The following CDH4 variants were observed in gnomAD, a reference collection of about 807,000 sequenced individuals.
CDH4 encodes the protein cadherin-4.
CDH4 carries 33 observed loss-of-function variants against 86.0 expected under a neutral mutation model. The observed-to-expected ratio is 0.38, with a 90% confidence interval of 0.29 to 0.51. The LOEUF (loss-of-function observed/expected upper bound fraction) is 0.51, where lower values mean the gene tolerates loss of function less well. Among genes scored for constraint, CDH4 ranks in the 20% least tolerant of loss-of-function variants. The pLI is 0.86. For synonymous variants in CDH4, 555 were observed against 549.4 expected, an observed-to-expected ratio of 1.01 and a Z score of -0.14; for missense variants, 1,114 against 1,307.4, an observed-to-expected ratio of 0.85 and a Z score of 2.28.
chr20:61,596,051 C>T (rs1249560194), intron 2 of CDH4, among the ~76,000 whole-genome samples: 1 of 152,246 alleles, frequency 6.6e-6, no homozygotes, highest in Non-Finnish European at 1.5e-5. Flanking sequence ...CACAGCTTCT[C>T]CATGACAGAG....
At chr20:61,276,567 A>G (rs565557489) in intron 2 of CDH4, among the ~76,000 whole-genome samples, 1 of 152,338 alleles carries the variant, frequency 6.6e-6, no homozygotes, top group African/African-American at 2.4e-5. Context: ...CAGGAGAATG[A>G]CAGGGCCGTG....
chr20:61,497,118 T>G (rs1369041807), intron 2 of CDH4, among the ~76,000 whole-genome samples: 1 of 152,212 alleles, frequency 6.6e-6, no homozygotes, highest in Non-Finnish European at 1.5e-5. Flanking sequence ...GTACTCACAG[T>G]GTGTGTCTTG....
intron 3 of CDH4, among the ~76,000 whole-genome samples, chr20:61,760,537 C>T (rs577986526): frequency 1.3e-5 from 2 of 152,248 alleles, no homozygotes; most frequent in Non-Finnish European, 2.9e-5. Flanking sequence ...CTGGGCAGGT[C>T]GTGCAACCTC....
chr20:61,483,805 G>A (rs1364453196), intron 2 of CDH4, among the ~76,000 whole-genome samples: 2 of 152,014 alleles, frequency 1.3e-5, no homozygotes, highest in Non-Finnish European at 2.9e-5. Context: ...GAAGAACCAT[G>A]CAGCTGAGCT....
At chr20:61,337,067 G>T (rs1394616672) in intron 2 of CDH4, among the ~76,000 whole-genome samples, 1 of 152,042 alleles carries the variant, frequency 6.6e-6, no homozygotes, top group Non-Finnish European at 1.5e-5. Flanking sequence ...TTGGAATCCT[G>T]ACTCAACTGT....
chr20:61,928,138 G>C (rs561426421), intron 11 of CDH4, 52 bp from the exon 12 acceptor site: 1 of 1,361,734 alleles, frequency 7.3e-7, no homozygotes, highest in African/African-American at 1.4e-5. Flanking sequence ...GCTGTGGGTT[G>C]GTCATGGAGT....
chr20:61,827,992 A>G (rs1981403030), intron 4 of CDH4, among the ~76,000 whole-genome samples: 1 of 152,238 alleles, frequency 6.6e-6, no homozygotes, highest in Non-Finnish European at 1.5e-5. Context: ...TTTTGAAAAC[A>G]GGAAAATAAA....
At chr20:61,520,486 G>A (rs1178452162) in intron 2 of CDH4, among the ~76,000 whole-genome samples, 1 of 152,204 alleles carries the variant, frequency 6.6e-6, no homozygotes, top group African/African-American at 2.4e-5. Context: ...GGGGTGGTGT[G>A]TGTGTCAAGG....
chr20:61,696,313 G>A (rs959486806), intron 2 of CDH4, among the ~76,000 whole-genome samples: 1 of 152,212 alleles, frequency 6.6e-6, no homozygotes, highest in African/African-American at 2.4e-5. Context: ...AGGGCCTGGG[G>A]CCCAGATGTC....
At chr20:61,853,938 A>G (rs1982863296) in intron 6 of CDH4, among the ~76,000 whole-genome samples, 1 of 152,154 alleles carries the variant, frequency 6.6e-6, no homozygotes, top group East Asian at 1.9e-4. Context: ...AGTACAAGAC[A>G]CCAAGTAAAT....
At chr20:61,274,180 G>T (rs1460649434) in intron 2 of CDH4, among the ~76,000 whole-genome samples, 1 of 130,338 alleles carries the variant, frequency 7.7e-6, no homozygotes, top group Non-Finnish European at 1.6e-5. Context: ...GGAGTACTGT[G>T]TGCAATTTGG....
chr20:61,714,203 C>G (rs534194682), intron 2 of CDH4, among the ~76,000 whole-genome samples: 1 of 151,946 alleles, frequency 6.6e-6, no homozygotes, highest in African/African-American at 2.4e-5. Context: ...TCCGCCACCA[C>G]GCCTGGCTAA....
rs1182747859 is a variant in CDH4 at position 61,807,410 on chromosome 20, T to C, written c.576+34228T>C. On this transcript the variant is annotated intron_variant, in intron 4 of 15. Coordinates refer to ENST00000614565, the MANE Select transcript of CDH4 (RefSeq NM_001794.5). The surrounding 1 kb of genome is among the most constrained non-coding windows in gnomAD (Gnocchi z 4.5). The stretch of plus-strand genomic sequence containing the variant: ...TTACCCTCAGCTTCTCGTAACAGGG[T>C]GTCTGGGTACCTAAATGTCGGAATT... Among the ~76,000 whole-genome samples the C allele has an allele frequency of 6.6e-6, 1 of 152,086 alleles. No homozygotes were observed.
intron 2 of CDH4, among the ~76,000 whole-genome samples, chr20:61,383,442 TATATATTCATATATATGAAG>T (rs1568822769): frequency 1.1e-5 from 1 of 90,222 alleles, no homozygotes; most frequent in South Asian, 3.0e-4. Flanking sequence ...CATATATGAA[TATATATTCATATATATGAAG>T]ATATATATGA....
At chr20:61,478,935 G>T (rs1477648621) in intron 2 of CDH4, among the ~76,000 whole-genome samples, 1 of 152,078 alleles carries the variant, frequency 6.6e-6, no homozygotes, top group Non-Finnish European at 1.5e-5. Context: ...CTATGTCAGA[G>T]AAACTTTCTT....
intron 2 of CDH4, among the ~76,000 whole-genome samples, chr20:61,733,542 C>T (rs2088221796): frequency 6.6e-6 from 1 of 152,066 alleles, no homozygotes; most frequent in African/African-American, 2.4e-5. Flanking sequence ...GTTCGTGGGC[C>T]GGCTGCCTCA....
chr20:61,441,507 T>C (rs909097746), intron 2 of CDH4, among the ~76,000 whole-genome samples: 1 of 152,200 alleles, frequency 6.6e-6, no homozygotes, highest in Admixed American at 6.5e-5. Flanking sequence ...TGAATGTCTG[T>C]GTCCCTCCAG....
intron 5 of CDH4, among the ~76,000 whole-genome samples, chr20:61,851,039 G>A (rs748755368): frequency 7.2e-5 from 11 of 152,242 alleles, no homozygotes; most frequent in Admixed American, 2.6e-4. Context: ...ACCTCTGGGC[G>A]TGTGGGAAAC....
chr20:61,620,836 C>T (rs2086771009), intron 2 of CDH4, among the ~76,000 whole-genome samples: 1 of 152,190 alleles, frequency 6.6e-6, no homozygotes, highest in Admixed American at 6.5e-5. Flanking sequence ...CTGGCCATGC[C>T]ATCCCGGTTA....
Sources: allele counts gnomAD v4.1 joint callset (sites outside exome capture counted in the v4.1 genomes callset), GRCh38; gene constraint gnomAD v4.1.1; non-coding constraint Gnocchi (gnomAD v3.1); transcripts MANE v1.5; gene names NCBI Gene and HGNC (gene_info 2026-07-23, HGNC 2026-07-21).